Variants in PCDH7 observed in about 807,000 individuals in gnomAD.
The protein encoded by PCDH7 is protocadherin 7.
In PCDH7, 17 loss-of-function variants were observed where a neutral mutation model predicts 58.9. That is an observed-to-expected ratio of 0.29 (90% CI 0.20 to 0.43). PCDH7 has a LOEUF of 0.43. Among genes scored for constraint, PCDH7 ranks in the 20% least tolerant of loss-of-function variants. PCDH7 has a pLI of 1.00. For synonymous variants in PCDH7, 664 were observed against 616.4 expected (o/e 1.08, Z -1.14); for missense variants, 1,274 against 1,441.0 (o/e 0.88, Z 1.88).
intron 3 of PCDH7, among the ~76,000 whole-genome samples, chr4:31,142,157 A>G (rs1397059003): frequency 6.6e-6 from 1 of 152,148 alleles, no homozygotes; most frequent in Non-Finnish European, 1.5e-5. Context: ...TTACCTATGT[A>G]TTTAGAGCTT....
chr4:30,867,211 T>C (rs969857252), intron 1 of PCDH7, among the ~76,000 whole-genome samples: 1 of 152,046 alleles, frequency 6.6e-6, no homozygotes, highest in African/African-American at 2.4e-5. Context: ...GTTTGAACTT[T>C]TAGTTCTGAT....
chr4:30,871,218 A>C (rs561115891), intron 1 of PCDH7, among the ~76,000 whole-genome samples: 1 of 152,244 alleles, frequency 6.6e-6, no homozygotes, highest in Non-Finnish European at 1.5e-5. Flanking sequence ...GACATAATAT[A>C]AAATCATTCC....
chr4:30,873,935 G>A (rs891134530), intron 1 of PCDH7, among the ~76,000 whole-genome samples: 2 of 152,014 alleles, frequency 1.3e-5, no homozygotes, highest in Admixed American at 1.3e-4. Context: ...AACAGTATTT[G>A]AAAGCTCTTT....
At chr4:31,014,013 A>G (rs1753416297) in intron 3 of PCDH7, among the ~76,000 whole-genome samples, 1 of 152,178 alleles carries the variant, frequency 6.6e-6, no homozygotes, top group Admixed American at 6.5e-5. Context: ...TAAAAACTTT[A>G]TGAAGACTTT....
intron 3 of PCDH7, among the ~76,000 whole-genome samples, chr4:31,103,454 C>T (rs573304315): frequency 5.9e-5 from 9 of 152,174 alleles, no homozygotes; most frequent in African/African-American, 2.2e-4. Context: ...CGTGCCTCAG[C>T]CTCCCAAGTA....
intron 1 of PCDH7, among the ~76,000 whole-genome samples, chr4:30,820,079 G>A (rs1355269828): frequency 6.6e-6 from 1 of 151,962 alleles, no homozygotes; most frequent in Non-Finnish European, 1.5e-5. Context: ...CTTTCAATTA[G>A]CATTTTTAGG....
chr4:31,037,613 C>CT (rs1461297323), intron 3 of PCDH7, among the ~76,000 whole-genome samples: 87 of 152,288 alleles, frequency 5.7e-4, no homozygotes, highest in African/African-American at 2.0e-3. Context: ...GGAAGAAATG[C>CT]TCTAGAATAT....
At chr4:30,999,312 A>C (rs1190064880) in intron 3 of PCDH7, among the ~76,000 whole-genome samples, 1 of 152,142 alleles carries the variant, frequency 6.6e-6, no homozygotes, top group East Asian at 1.9e-4. Flanking sequence ...TAAGTGTGTG[A>C]AAACATAGCA....
At chr4:30,855,675 T>G (rs1733360561) in intron 1 of PCDH7, among the ~76,000 whole-genome samples, 1 of 152,160 alleles carries the variant, frequency 6.6e-6, no homozygotes, top group African/African-American at 2.4e-5. Flanking sequence ...GCATGCAGAT[T>G]ATGTTGGTAA....
At chr4:30,865,186 A>G (rs987144790) in intron 1 of PCDH7, among the ~76,000 whole-genome samples, 3 of 152,036 alleles carry the variant, frequency 2.0e-5, no homozygotes, top group Non-Finnish European at 2.9e-5. Flanking sequence ...AAAGCCATAT[A>G]AAAAAAGGCT....
At position 31,083,262 on chromosome 4, in the gene PCDH7, T is replaced by G. The variant is rs555795715; in HGVS notation, c.*8-59211T>G. On this transcript the variant is annotated intron_variant, in intron 3 of 3. Coordinates refer to the PCDH7 transcript ENST00000509759. ...ACCCCAAAAGCTATTGAAATAAAAT[T>G]TTTTTAAAGAAAAAAATTGATTTTA... 6.0e-4 allele frequency among the ~76,000 whole-genome samples: 91 copies of G among 152,182 alleles called. 2 individuals are homozygous for G. The highest frequency in any genetic ancestry group is 5.2e-3 in the Admixed American group (80 of 15,288).
intron 3 of PCDH7, among the ~76,000 whole-genome samples, chr4:31,119,498 C>T (rs1395616967): frequency 6.6e-6 from 1 of 152,018 alleles, no homozygotes; most frequent in East Asian, 1.9e-4. Context: ...GGGCATAAGG[C>T]AGAAGAAGTG....
At chr4:30,750,944 A>T (rs1347739073) in intron 1 of PCDH7, among the ~76,000 whole-genome samples, 2 of 150,372 alleles carry the variant, frequency 1.3e-5, no homozygotes, top group Non-Finnish European at 3.0e-5. Flanking sequence ...CAGAGTTGTT[A>T]AGGAAAGGCA....
chr4:31,126,666 G>A (rs1423387304), intron 3 of PCDH7, among the ~76,000 whole-genome samples: 4 of 151,996 alleles, frequency 2.6e-5, no homozygotes, highest in Admixed American at 1.3e-4. Flanking sequence ...GCTTATTTGC[G>A]GAACAGGGAA....
At chr4:30,857,316 A>G (rs1733594901) in intron 1 of PCDH7, among the ~76,000 whole-genome samples, 1 of 152,122 alleles carries the variant, frequency 6.6e-6, no homozygotes. Flanking sequence ...TTATCAAGTC[A>G]TTAACATTAT....
At chr4:30,747,842 T>C (rs1472119332) in intron 1 of PCDH7, among the ~76,000 whole-genome samples, 2 of 152,232 alleles carry the variant, frequency 1.3e-5, no homozygotes, top group East Asian at 3.8e-4. Flanking sequence ...TCCCAAAATT[T>C]GATAACCACC....
chr4:30,915,395 G>A (rs900881377), intron 1 of PCDH7, among the ~76,000 whole-genome samples: 2 of 152,184 alleles, frequency 1.3e-5, no homozygotes, highest in African/African-American at 4.8e-5. Flanking sequence ...CAATGGGCAT[G>A]TGGTAGTCAG....
chr4:30,874,675 A>C (rs1216533591), intron 1 of PCDH7, among the ~76,000 whole-genome samples: 1 of 151,554 alleles, frequency 6.6e-6, no homozygotes, highest in East Asian at 1.9e-4. Flanking sequence ...ATGTACCCTA[A>C]AACTTAAAGT....
chr4:31,088,518 T>G (rs1212527112), intron 3 of PCDH7, among the ~76,000 whole-genome samples: 1 of 152,046 alleles, frequency 6.6e-6, no homozygotes. Context: ...TGTATACACC[T>G]TCTCTCTCCT....
Sources: gnomAD v4.1 joint callset for allele counts (sites outside exome capture counted in the v4.1 genomes callset) on GRCh38, gnomAD v4.1.1 for gene constraint, MANE v1.5 for transcripts, NCBI Gene and HGNC (gene_info 2026-07-23, HGNC 2026-07-21) for gene names.